TTN: variants seen among roughly 807,000 people sequenced by gnomAD.
TTN encodes connectin.
Under a neutral mutation model 3,223.0 loss-of-function variants are expected in TTN, and 1,525 were observed. The ratio of observed to expected loss-of-function variants is 0.47; its 90% CI spans 0.45 to 0.49. TTN has a LOEUF of 0.49. Ranked by LOEUF, TTN falls within the 20% of genes least tolerant of loss-of-function variation. The pLI is 0.00. For synonymous variants in TTN, 14,094 were observed against 15,161.0 expected (o/e 0.93, Z 5.17); for missense variants, 40,786 against 43,424.0 (o/e 0.94, Z 5.40).
In TTN at chr2:178,605,076, T is replaced by C. The variant is rs747897792; in HGVS notation, c.54101A>G (p.Lys18034Arg). 2.5e-6 allele frequency: 4 copies of C among 1,612,690 alleles called. No homozygotes were observed. The South Asian group carries it at 4.4e-5, about 18-fold the overall frequency. Residue 18034 changes from lysine (K) to arginine (R), a missense_variant, in exon 280 of 363, where the codon AAA becomes AGA. Transcript: ENST00000589042. ...SEAKTELSIP[K>R]AVREDKGTYT... is the part of the protein sequence containing the mutation. ...AGTGCCTTTGTCCTCCCGGACCGCT[T>C]TGGGAATGCTAAGCTCAGTTTTTGC...
chr2:178,761,204 C>A (rs1443299265), intron 43 of TTN, among the ~76,000 whole-genome samples: 1 of 152,082 alleles, frequency 6.6e-6, no homozygotes, highest in East Asian at 1.9e-4. Context: ...GCTCTCCAGG[C>A]CTATTGTAAT....
Position 178,553,383 on chromosome 2 carries a change from A to G in TTN, c.89517T>C (p.Ile29839=). The part of the protein sequence containing the change: ...QAKDILEAPE[I]DLDVALRTSV... ...AAGTTCTGAGAGCCACATCCAGGTC[A>G]ATCTCTGGTGCCTCTGTAGACATAA... The change falls in exon 335 of 363, where the codon ATT becomes ATC. Residue 29839 remains isoleucine (I), a synonymous_variant. Transcript: ENST00000589042. 3 of 1,594,350 alleles carry G rather than the reference A, an allele frequency of 1.9e-6. No homozygotes were observed. Among genetic ancestry groups the G allele is most frequent in the Non-Finnish European group, 2.6e-6 (3 of 1,170,768 alleles).
chr2:178,599,397 G>A lies in TTN; in HGVS notation c.56396C>T (p.Ala18799Val), dbSNP rs753746652. The A allele has an allele frequency of 1.3e-6, 2 of 1,569,550 alleles. No individual in the cohort carries two copies. The highest frequency in any genetic ancestry group is 1.2e-5 in the South Asian group (1 of 82,462). The change falls in exon 290 of 363, where the codon GCA becomes GTA. Residue 18799 changes from alanine to valine, a missense_variant. Physicochemically the swap from Ala to Val is moderately conservative, Grantham distance 64 (BLOSUM62 0). Coordinates refer to ENST00000589042, the MANE Select transcript of TTN (RefSeq NM_001267550.2). Reference protein sequence around the residue: ...VGPIKFESVSADQMTLSWFPP... With the variant: ...VGPIKFESVSVDQMTLSWFPP... ...AAACCAAGATAGTGTCATTTGATCT[G>A]CTGAAACAGATTCAAATTTTATGGG...
chr2:178,602,165 A>G lies in TTN; in HGVS notation c.55121-15T>C. ...TTCTGGTTCCTCTGTAATACCACAT[A>G]CAATTTAACAGGATTTAGCTCATAT... On this transcript the variant is annotated splice_polypyrimidine_tract_variant and intron_variant, in intron 283 of 362. Coordinates refer to ENST00000589042, the MANE Select transcript of TTN (RefSeq NM_001267550.2). 6.3e-7 allele frequency: 1 copy of G among 1,596,698 alleles called. No homozygotes were observed. The highest frequency in any genetic ancestry group is 2.3e-5 in the East Asian group (1 of 44,440).
chr2:178,531,935 T>G lies in TTN; in HGVS notation c.104680A>C (p.Arg34894=). ...PRSPSPVSSE[R]SLSRFERSAR... is the part of the protein sequence containing the mutation. Reference sequence around the variant, plus strand: ...GACCTCTCAAATCTCGAGAGTGATCTCTCACTAGACACAGGGCTGGGGGAT... The same window carrying G: ...GACCTCTCAAATCTCGAGAGTGATCGCTCACTAGACACAGGGCTGGGGGAT... The change falls in exon 358 of 363, where the codon AGA becomes CGA. Residue 34894 remains arginine, a synonymous_variant. Coordinates refer to ENST00000589042, the MANE Select transcript of TTN (RefSeq NM_001267550.2). The G allele has an allele frequency of 6.2e-7, 1 of 1,613,442 alleles. No homozygotes were observed. Among genetic ancestry groups the G allele is most frequent in the Middle Eastern group, 1.6e-4 (1 of 6,062 alleles).
chr2:178,791,603 G>A (rs997301347), intron 10 of TTN, among the ~76,000 whole-genome samples: 16 of 151,682 alleles, frequency 1.1e-4, no homozygotes, highest in African/African-American at 3.6e-4. Context: ...TCCGATGTCT[G>A]GCATATCCTC....
intron 241 of TTN, 119 bp from the exon 242 acceptor site, chr2:178,624,850 G>T: frequency 1.8e-6 from 2 of 1,138,306 alleles, no homozygotes; most frequent in Non-Finnish European, 1.2e-6. Flanking sequence ...TTATTTTCAA[G>T]TTTTGATTAC....
At chr2:178,796,864 C>A (rs1441465616) in intron 6 of TTN, among the ~76,000 whole-genome samples, 3 of 152,090 alleles carry the variant, frequency 2.0e-5, no homozygotes, top group African/African-American at 7.2e-5. Flanking sequence ...AAAATAATCA[C>A]CTGGTCACAG....
At chr2:178,641,094 G>A in intron 220 of TTN, 147 bp downstream of exon 220, 1 of 576,564 alleles carries the variant, frequency 1.7e-6, no homozygotes, top group Non-Finnish European at 3.0e-6. Context: ...TAAACAGAAA[G>A]CAGACAATGG....
intron 240 of TTN, among the ~76,000 whole-genome samples, chr2:178,626,890 C>T (rs942975078): frequency 5.3e-5 from 8 of 151,744 alleles, no homozygotes; most frequent in African/African-American, 1.9e-4. Flanking sequence ...TCTGTAGCTA[C>T]TCTAGGACAC....
chr2:178,571,456 A>C lies in TTN; in HGVS notation c.74676T>G (p.Ser24892Arg). 6.2e-7 allele frequency: 1 copy of C among 1,613,232 alleles called. No homozygotes were observed. The highest frequency in any genetic ancestry group is 8.5e-7 in the Non-Finnish European group (1 of 1,179,558). The change falls in exon 326 of 363, where the codon AGT becomes AGG. Residue 24892 changes from serine to arginine, a missense_variant. Physicochemically the swap from Ser to Arg is moderately radical, Grantham distance 110. Coordinates refer to ENST00000589042, the MANE Select transcript of TTN (RefSeq NM_001267550.2). ...RIAAENRYGK[S>R]TYLNSEPTVA... Reference sequence around the variant, plus strand: ...CAGTAGGCTCTGAATTGAGGTAGGTACTCTTCCCATATCTGTTTTCAGCTG... The same window carrying C: ...CAGTAGGCTCTGAATTGAGGTAGGTCCTCTTCCCATATCTGTTTTCAGCTG...
At chr2:178,736,129 T>A in intron 49 of TTN, 55 bp from the exon 50 acceptor site, 1 of 1,446,444 alleles carries the variant, frequency 6.9e-7, no homozygotes, top group Non-Finnish European at 9.3e-7. Flanking sequence ...GCACTTGCTG[T>A]AATTATATAT....
At chr2:178,698,634 G>C (rs939390907) in intron 112 of TTN, among the ~76,000 whole-genome samples, 2 of 152,006 alleles carry the variant, frequency 1.3e-5, no homozygotes, top group Non-Finnish European at 2.9e-5. Flanking sequence ...TGGTTCCCAG[G>C]GGCTCAGGAG....
In TTN at chr2:178,534,099, A is replaced by T; in HGVS notation, c.102516T>A (p.Phe34172Leu). The T allele has an allele frequency of 6.2e-7, 1 of 1,613,964 alleles. No homozygotes were observed. The highest frequency in any genetic ancestry group is 2.2e-5 in the East Asian group (1 of 44,882). Residue 34172 changes from phenylalanine to leucine, a missense_variant, in exon 358 of 363, where the codon TTT (phenylalanine) becomes TTA (leucine). Phe to Leu is a conservative substitution (Grantham distance 22). Coordinates refer to ENST00000589042, the MANE Select transcript of TTN (RefSeq NM_001267550.2). Reference sequence around the variant, plus strand: ...CACTGTTCTCCAGCTGTCGGACGCCAAAGTACCAAGTCACTTGGGTAGACT... The same window carrying T: ...CACTGTTCTCCAGCTGTCGGACGCCTAAGTACCAAGTCACTTGGGTAGACT... ...YDQSTQVTWYFGVRQLENSEK... is the reference protein window; with the variant it reads ...YDQSTQVTWYLGVRQLENSEK...
In TTN at chr2:178,530,776, A is replaced by T. The variant is rs1451951231; in HGVS notation, c.105839T>A (p.Leu35280His). The T allele has an allele frequency of 3.7e-6, 6 of 1,613,568 alleles. No homozygotes were observed. The highest frequency in any genetic ancestry group is 1.7e-5 in the Admixed American group (1 of 59,972). Residue 35280 changes from leucine to histidine, a missense_variant, in exon 358 of 363, where the codon CTC becomes CAC. Coordinates refer to ENST00000589042, the MANE Select transcript of TTN (RefSeq NM_001267550.2). Reference protein sequence around the residue: ...KPTPTEKVQHLPVSAPPKITQ... With the variant: ...KPTPTEKVQHHPVSAPPKITQ... ...AATCTTTGGTGGGGCAGAGACTGGG[A>T]GGTGCTGAACTTTCTCTGTTGGTGT...
Position 178,711,174 on chromosome 2 carries a change from A to G in TTN, c.28062T>C (p.Asn9354=). The change falls in exon 97 of 363, where the codon AAT becomes AAC. Residue 9354 remains asparagine (N), a synonymous_variant. Coordinates refer to ENST00000589042, the MANE Select transcript of TTN (RefSeq NM_001267550.2). The stretch of plus-strand genomic sequence containing the variant: ...TTTTAAAAATATTGAGTGTGGCTGT[A>G]TTGTCTAAAAATGATGTTTGTACAT... ...SPNVQTSFLD[N]TATLNIFKTD... 6.2e-7 allele frequency: 1 copy of G among 1,613,786 alleles called. No homozygotes were observed. Among genetic ancestry groups the G allele is most frequent in the Non-Finnish European group, 8.5e-7 (1 of 1,179,782 alleles).
chr2:178,577,483 G>A lies in TTN; in HGVS notation c.68852C>T (p.Thr22951Ile). 6.3e-7 allele frequency: 1 copy of A among 1,593,168 alleles called. No individual in the cohort carries two copies. Among genetic ancestry groups the A allele is most frequent in the Non-Finnish European group, 8.6e-7 (1 of 1,166,960 alleles). ...YEAPTIVLDP[T>I]IKDGLTIKAG... ...TTTAATTGTTAGCCCATCTTTTATTGTGGGATCAAGGACAATTGTTGGTGC... is the reference window on the plus strand; with the variant it reads ...TTTAATTGTTAGCCCATCTTTTATTATGGGATCAAGGACAATTGTTGGTGC... Residue 22951 changes from threonine to isoleucine, a missense_variant, in exon 324 of 363, where the codon ACA becomes ATA. By Grantham distance (89) the Thr-to-Ile change is moderately conservative. Transcript: ENST00000589042.
At position 178,561,512 on chromosome 2, in the gene TTN, A is replaced by T; in HGVS notation, c.84620T>A (p.Ile28207Asn). ...TTTCATTTGAGTATCAGCAATGAGG[A>T]TTTTATTTGCTTTTGACCAAAGAAT... ...SSILWSKANK[I>N]LIADTQMKVS... Residue 28207 changes from isoleucine (I) to asparagine (N), a missense_variant, in exon 326 of 363, where the codon ATC (isoleucine) becomes AAC (asparagine). By Grantham distance (149) the Ile-to-Asn change is moderately radical. Coordinates refer to ENST00000589042, the MANE Select transcript of TTN (RefSeq NM_001267550.2). The T allele has an allele frequency of 1.2e-6, 2 of 1,613,412 alleles. No individual in the cohort carries two copies. The highest frequency in any genetic ancestry group is 1.7e-6 in the Non-Finnish European group (2 of 1,179,548).
chr2:178,554,174 G>A lies in TTN; in HGVS notation c.88937C>T (p.Thr29646Ile), dbSNP rs1338218286. 2 of 1,609,226 alleles carry A rather than the reference G, an allele frequency of 1.2e-6. No homozygotes were observed. Among genetic ancestry groups the A allele is most frequent in the Non-Finnish European group, 1.7e-6 (2 of 1,178,274 alleles). Residue 29646 changes from threonine (T) to isoleucine (I), a missense_variant, in exon 333 of 363, where the codon ACC becomes ATC. Transcript: ENST00000589042. The part of the protein sequence containing the change: ...PPGIPEVTKI[T>I]KNSMTVVWSR... The stretch of plus-strand genomic sequence containing the variant: ...CCATACAACAGTCATCGAATTCTTG[G>A]TAATCTTTGTCACTTCTGGTATGCC...
Sources: gnomAD v4.1 joint callset for allele counts (sites outside exome capture counted in the v4.1 genomes callset) on GRCh38, gnomAD v4.1.1 for gene constraint, MANE v1.5 for transcripts, NCBI Gene and HGNC (gene_info 2026-07-23, HGNC 2026-07-21) for gene names.